LRFN2: variants seen among roughly 807,000 people sequenced by gnomAD.
LRFN2 encodes leucine rich repeat and fibronectin type III domain containing 2, also known as leucine-rich repeat and fibronectin type-III domain-containing protein 2.
LRFN2 carries 18 observed loss-of-function variants against 37.3 expected under a neutral mutation model. That is an observed-to-expected ratio of 0.48 (90% CI 0.33 to 0.72). LRFN2 has a LOEUF of 0.72. Ranked by LOEUF, LRFN2 falls within the 30% of genes least tolerant of loss-of-function variation. The pLI is 0.02. For synonymous variants in LRFN2, 556 were observed against 466.6 expected (o/e 1.19, Z -2.47); for missense variants, 1,006 against 1,060.7 (o/e 0.95, Z 0.72).
intron 1 of LRFN2, among the ~76,000 whole-genome samples, chr6:40,498,191 C>T (rs533535128): frequency 9.1e-4 from 139 of 152,146 alleles, no homozygotes; most frequent in Middle Eastern, 3.4e-3. Context: ...AGGGAAATGG[C>T]ATTGAAAGTG....
intron 1 of LRFN2, among the ~76,000 whole-genome samples, chr6:40,478,295 T>C (rs1369200426): frequency 1.3e-5 from 2 of 152,208 alleles, no homozygotes; most frequent in Non-Finnish European, 2.9e-5. Flanking sequence ...ATTGGCCCAT[T>C]TTACAAATTA....
At chr6:40,508,876 G>A (rs1765615615) in intron 1 of LRFN2, among the ~76,000 whole-genome samples, 1 of 152,158 alleles carries the variant, frequency 6.6e-6, no homozygotes, top group African/African-American at 2.4e-5. Context: ...TCATGATCTT[G>A]GATATGCCAT....
intron 1 of LRFN2, among the ~76,000 whole-genome samples, chr6:40,576,882 CT>C (rs1767289960): frequency 6.6e-6 from 1 of 151,950 alleles, no homozygotes; most frequent in African/African-American, 2.4e-5. Context: ...TTCCTGACTC[CT>C]CTTCCCATAG....
intron 1 of LRFN2, among the ~76,000 whole-genome samples, chr6:40,462,791 G>C (rs553177641): frequency 2.6e-5 from 4 of 152,328 alleles, no homozygotes; most frequent in South Asian, 4.1e-4. Flanking sequence ...AGCCAGGTCA[G>C]TCTGGCCACA....
intron 1 of LRFN2, among the ~76,000 whole-genome samples, chr6:40,512,913 G>C (rs1291962332): frequency 3.3e-5 from 5 of 152,246 alleles, no homozygotes. Flanking sequence ...CTCCAGGGCA[G>C]GATGGGGTTA....
chr6:40,579,103 G>A (rs184855144), intron 1 of LRFN2, among the ~76,000 whole-genome samples: 7 of 152,276 alleles, frequency 4.6e-5, no homozygotes, highest in East Asian at 1.9e-4. Flanking sequence ...ACCACTCTGC[G>A]ATTGCAAGCA....
chr6:40,505,426 C>T (rs531315758), intron 1 of LRFN2, among the ~76,000 whole-genome samples: 11 of 152,304 alleles, frequency 7.2e-5, no homozygotes, highest in South Asian at 2.1e-4. Flanking sequence ...TATGTAATTT[C>T]GCTCCATGAC....
intron 2 of LRFN2, among the ~76,000 whole-genome samples, chr6:40,411,483 C>T (rs1470324424): frequency 6.6e-6 from 1 of 152,190 alleles, no homozygotes; most frequent in Non-Finnish European, 1.5e-5. Context: ...ATGCACAGGT[C>T]GGGTGAACAC....
intron 2 of LRFN2, among the ~76,000 whole-genome samples, chr6:40,423,071 A>T (rs990905115): frequency 3.3e-5 from 5 of 152,184 alleles, no homozygotes; most frequent in Non-Finnish European, 7.3e-5. Flanking sequence ...GAGAGGCAGG[A>T]TGTGGGGATA....
intron 1 of LRFN2, among the ~76,000 whole-genome samples, chr6:40,474,158 G>T (rs1417583090): frequency 2.6e-5 from 4 of 152,132 alleles, no homozygotes; most frequent in African/African-American, 9.7e-5. Context: ...TTGTTTCCTG[G>T]TGCTTCCATA....
rs73732605 is a variant in LRFN2, at chr6:40,400,370, C to T, written c.1401-7458G>A. ...ATATTCAAGGGTTAGTTAATGGTGA[C>T]TCTCAGACACTGGCTGGTTCTGAGG... On this transcript the variant is annotated intron_variant, in intron 2 of 2. Coordinates refer to ENST00000338305, the MANE Select transcript of LRFN2 (RefSeq NM_020737.3). Among the ~76,000 whole-genome samples, 823 of 150,968 alleles carry T rather than the reference C, an allele frequency of 5.5e-3. 11 individuals carry two copies. Among genetic ancestry groups the T allele is most frequent in the African/African-American group, 0.019 (788 of 41,198 alleles).
At chr6:40,476,986 A>C (rs1332933816) in intron 1 of LRFN2, among the ~76,000 whole-genome samples, 2 of 152,144 alleles carry the variant, frequency 1.3e-5, no homozygotes, top group Non-Finnish European at 2.9e-5. Context: ...GTCTCTTCCC[A>C]CCTTCTCCTT....
At chr6:40,477,592 A>G (rs1383706753) in intron 1 of LRFN2, among the ~76,000 whole-genome samples, 5 of 152,208 alleles carry the variant, frequency 3.3e-5, no homozygotes, top group Non-Finnish European at 7.3e-5. Context: ...ATGTTTTCCC[A>G]GCACATCACC....
chr6:40,535,305 A>G (rs1238851122), intron 1 of LRFN2, among the ~76,000 whole-genome samples: 2 of 152,300 alleles, frequency 1.3e-5, no homozygotes, highest in Middle Eastern at 6.8e-3. Flanking sequence ...GATTACCATC[A>G]TTATCATGAC....
In LRFN2 at chr6:40,587,339, G is replaced by A. The variant is rs570826290; in HGVS notation, c.-417C>T. The A allele has an allele frequency of 6.6e-6, 1 of 152,214 alleles. No homozygotes were observed. The highest frequency in any genetic ancestry group is 1.9e-4 in the East Asian group (1 of 5,170). 9.4% of individuals were successfully genotyped at this position (152,214 alleles called of 1,614,324 possible). ...TCTTCAAGTTCAGACGAGCCTGCCG[G>A]GTTGTGTATGTGTGAGTGTATGTGT... On this transcript the variant is annotated 5_prime_UTR_variant, in exon 1 of 3. Transcript: ENST00000338305. The surrounding 1 kb of genome is among the most constrained non-coding windows in gnomAD (Gnocchi z 4.2).
chr6:40,540,953 T>A (rs181642469), intron 1 of LRFN2, among the ~76,000 whole-genome samples: 1 of 152,288 alleles, frequency 6.6e-6, no homozygotes, highest in African/African-American at 2.4e-5. Context: ...CAGGAGGGAA[T>A]GAGATGTGCC....
intron 1 of LRFN2, among the ~76,000 whole-genome samples, chr6:40,441,258 TG>T: frequency 6.6e-6 from 1 of 152,006 alleles, no homozygotes; most frequent in Non-Finnish European, 1.5e-5. Context: ...TGCGCATGAA[TG>T]GAGGGAGGCC....
intron 1 of LRFN2, among the ~76,000 whole-genome samples, chr6:40,515,933 C>T (rs1320989406): frequency 6.6e-6 from 1 of 151,490 alleles, no homozygotes; most frequent in Non-Finnish European, 1.5e-5. Flanking sequence ...CAACCATTGC[C>T]TCAGCATACA....
chr6:40,467,997 C>A (rs1764509953), intron 1 of LRFN2, among the ~76,000 whole-genome samples: 1 of 152,122 alleles, frequency 6.6e-6, no homozygotes, highest in South Asian at 2.1e-4. Flanking sequence ...ACAGGACATA[C>A]TCATCCAGCT....
Sources: gnomAD v4.1 joint callset for allele counts (sites outside exome capture counted in the v4.1 genomes callset) on GRCh38, gnomAD v4.1.1 for gene constraint, Gnocchi (gnomAD v3.1) non-coding constraint, MANE v1.5 for transcripts, NCBI Gene and HGNC (gene_info 2026-07-23, HGNC 2026-07-21) for gene names.